SEMA3A: variants seen among roughly 807,000 people sequenced by gnomAD.
SEMA3A encodes semaphorin-3A.
In SEMA3A, 29 loss-of-function variants were observed where a neutral mutation model predicts 97.9. That is an observed-to-expected ratio of 0.30 (90% CI 0.22 to 0.40). The LOEUF is 0.40. Among genes scored for constraint, SEMA3A ranks in the 10% least tolerant of loss-of-function variants. SEMA3A has a pLI of 1.00. For missense variants in SEMA3A, 763 were observed against 951.3 expected, an observed-to-expected ratio of 0.80 and a Z score of 2.60; for synonymous variants, 321 against 323.7, an observed-to-expected ratio of 0.99 and a Z score of 0.09.
chr7:84,119,660 T>C (rs747995032), intron 3 of SEMA3A, among the ~76,000 whole-genome samples: 6 of 152,162 alleles, frequency 3.9e-5, no homozygotes, highest in Non-Finnish European at 8.8e-5. Flanking sequence ...AAATACAAAA[T>C]ATGATGGACA....
intron 1 of SEMA3A, among the ~76,000 whole-genome samples, chr7:84,176,496 G>T (rs1416304278): frequency 1.3e-5 from 2 of 152,064 alleles, no homozygotes; most frequent in Non-Finnish European, 2.9e-5. Context: ...TATGAAAGAT[G>T]GTATGGAACA....
At chr7:84,227,629 C>T (rs927599286) in intron 3 of SEMA3A, among the ~76,000 whole-genome samples, 1 of 152,058 alleles carries the variant, frequency 6.6e-6, no homozygotes, top group Non-Finnish European at 1.5e-5. Context: ...GGCATCCTTA[C>T]AGGCATTCTA....
At chr7:84,409,905 G>A (rs1424063144) in intron 1 of SEMA3A, among the ~76,000 whole-genome samples, 8 of 151,900 alleles carry the variant, frequency 5.3e-5, no homozygotes, top group Non-Finnish European at 8.8e-5. Flanking sequence ...CCTATTGTGA[G>A]GTATAAAGTA....
chr7:83,988,195 T>C (rs1445743453), intron 12 of SEMA3A, among the ~76,000 whole-genome samples: 2 of 152,072 alleles, frequency 1.3e-5, no homozygotes, highest in African/African-American at 2.4e-5. Flanking sequence ...TTTTCTTCCC[T>C]AATAAGCTCT....
intron 1 of SEMA3A, among the ~76,000 whole-genome samples, chr7:84,395,555 A>G (rs905422395): frequency 6.6e-6 from 1 of 151,726 alleles, no homozygotes; most frequent in African/African-American, 2.4e-5. Flanking sequence ...TAATCCCCAC[A>G]TGTCAAGGGG....
At chr7:84,301,695 T>C (rs1801020537) in intron 3 of SEMA3A, among the ~76,000 whole-genome samples, 1 of 152,166 alleles carries the variant, frequency 6.6e-6, no homozygotes, top group Admixed American at 6.6e-5. Flanking sequence ...GCCTTTGTAA[T>C]ATGAAAGCAG....
At chr7:84,279,699 A>G (rs749856509) in intron 3 of SEMA3A, among the ~76,000 whole-genome samples, 2 of 152,176 alleles carry the variant, frequency 1.3e-5, no homozygotes. Flanking sequence ...ATAAGAAGAC[A>G]TAAATAAAGC....
intron 1 of SEMA3A, among the ~76,000 whole-genome samples, chr7:84,435,659 G>A (rs1449223145): frequency 6.6e-6 from 1 of 151,974 alleles, no homozygotes; most frequent in East Asian, 1.9e-4. Flanking sequence ...AAACACTGAT[G>A]AAAGAAACAA....
intron 1 of SEMA3A, among the ~76,000 whole-genome samples, chr7:84,396,547 C>T (rs550898905): frequency 6.6e-6 from 1 of 151,764 alleles, no homozygotes; most frequent in Non-Finnish European, 1.5e-5. Flanking sequence ...AAAGAAAATA[C>T]CTTATAAATT....
chr7:84,001,061 T>TAATA (rs1206082685), intron 12 of SEMA3A, among the ~76,000 whole-genome samples: 2 of 102,846 alleles, frequency 1.9e-5, no homozygotes, highest in African/African-American at 3.8e-5. Context: ...CAACTTCTTC[T>TAATA]AATACGTGTT....
intron 4 of SEMA3A, among the ~76,000 whole-genome samples, chr7:84,084,159 G>T (rs1229734902): frequency 1.1e-4 from 16 of 151,970 alleles, no homozygotes; most frequent in Non-Finnish European, 2.1e-4. Flanking sequence ...GTTTAATATG[G>T]AAGAACCATT....
At chr7:84,278,364 T>C (rs955478542) in intron 3 of SEMA3A, among the ~76,000 whole-genome samples, 8 of 152,078 alleles carry the variant, frequency 5.3e-5, no homozygotes, top group Admixed American at 3.3e-4. Context: ...TCCCTTCTCT[T>C]CCCTGTCTTC....
intron 1 of SEMA3A, among the ~76,000 whole-genome samples, chr7:84,175,984 C>T (rs577748067): frequency 2.6e-5 from 4 of 152,214 alleles, no homozygotes; most frequent in Middle Eastern, 3.4e-3. Flanking sequence ...TCTCAGCACT[C>T]CTATCACTTT....
At chr7:84,076,305 AC>A (rs1486890108) in intron 4 of SEMA3A, among the ~76,000 whole-genome samples, 1 of 152,212 alleles carries the variant, frequency 6.6e-6, no homozygotes. Context: ...CCCTTGAAAT[AC>A]ATGGTGTGAT....
chr7:84,069,237 G>T (rs1414091877), intron 4 of SEMA3A, among the ~76,000 whole-genome samples: 1 of 152,074 alleles, frequency 6.6e-6, no homozygotes, highest in East Asian at 1.9e-4. Context: ...GTTATCTCTG[G>T]CTGTGCCTTT....
At chr7:84,051,296 T>C (rs1271474021) in intron 5 of SEMA3A, among the ~76,000 whole-genome samples, 1 of 152,180 alleles carries the variant, frequency 6.6e-6, no homozygotes, top group Non-Finnish European at 1.5e-5. Context: ...TAAATTACCT[T>C]GGGCAGTATG....
At chr7:84,478,067 G>C (rs1183420797) in intron 1 of SEMA3A, among the ~76,000 whole-genome samples, 1 of 152,166 alleles carries the variant, frequency 6.6e-6, no homozygotes, top group Non-Finnish European at 1.5e-5. Flanking sequence ...TGTTATTCCA[G>C]TGAGATTTCA....
chr7:84,430,850 G>A, intron 1 of SEMA3A, among the ~76,000 whole-genome samples: 1 of 150,812 alleles, frequency 6.6e-6, no homozygotes, highest in Non-Finnish European at 1.5e-5. Flanking sequence ...TATTTTTACT[G>A]TATTTAGACC....
chr7:84,334,948 AC>A (rs758165327), intron 2 of SEMA3A, among the ~76,000 whole-genome samples: 1 of 152,008 alleles, frequency 6.6e-6, no homozygotes, highest in Non-Finnish European at 1.5e-5. Flanking sequence ...CCTCAAAAAA[AC>A]AATAATGATT....
Sources: gnomAD v4.1 joint callset for allele counts (sites outside exome capture counted in the v4.1 genomes callset) on GRCh38, gnomAD v4.1.1 for gene constraint, MANE v1.5 for transcripts, NCBI Gene and HGNC (gene_info 2026-07-23, HGNC 2026-07-21) for gene names.